SPATA7: variants seen among roughly 807,000 people sequenced by gnomAD.
SPATA7 encodes spermatogenesis-associated protein 7.
SPATA7 carries 43 observed loss-of-function variants against 51.8 expected under a neutral mutation model. That is an observed-to-expected ratio of 0.83 (90% CI 0.65 to 1.07). The LOEUF is 1.07. Among genes scored for constraint, SPATA7 ranks in the 50% least tolerant of loss-of-function variants. SPATA7 has a pLI of 0.00. For missense variants in SPATA7, 683 were observed against 701.3 expected, an observed-to-expected ratio of 0.97 and a Z score of 0.30; for synonymous variants, 230 against 252.8, an observed-to-expected ratio of 0.91 and a Z score of 0.86.
At chr14:88,462,556 A>G (rs2140063518) in intron 4 of SPATA7, among the ~76,000 whole-genome samples, 1 of 152,376 alleles carries the variant, frequency 6.6e-6, no homozygotes, top group East Asian at 1.9e-4. Flanking sequence ...GACAACTGAA[A>G]TTAAGTAGTA....
chr14:88,397,409 G>A (rs2075916966), intron 4 of SPATA7, among the ~76,000 whole-genome samples: 1 of 149,286 alleles, frequency 6.7e-6, no homozygotes, highest in Non-Finnish European at 1.5e-5. Flanking sequence ...ATGGGAGACA[G>A]AGGCAAGTGG....
At chr14:88,397,715 C>T (rs2075928039) in intron 4 of SPATA7, among the ~76,000 whole-genome samples, 1 of 151,700 alleles carries the variant, frequency 6.6e-6, no homozygotes, top group African/African-American at 2.4e-5. Flanking sequence ...ATATATCTAC[C>T]CTTTGACCAG....
At chr14:88,397,716 CT>C (rs1027364723) in intron 4 of SPATA7, among the ~76,000 whole-genome samples, 46 of 151,974 alleles carry the variant, frequency 3.0e-4, no homozygotes, top group Non-Finnish European at 5.1e-4. Flanking sequence ...TATATCTACC[CT>C]TTGACCAGGT....
intron 5 of SPATA7, among the ~76,000 whole-genome samples, chr14:88,425,789 C>T (rs973620708): frequency 6.6e-6 from 1 of 152,062 alleles, no homozygotes; most frequent in Non-Finnish European, 1.5e-5. Context: ...CTTTTCGTTT[C>T]TTTAAAGGCT....
At chr14:88,464,986 T>C (rs1383889968) in intron 4 of SPATA7, among the ~76,000 whole-genome samples, 1 of 152,104 alleles carries the variant, frequency 6.6e-6, no homozygotes, top group African/African-American at 2.4e-5. Flanking sequence ...CACCACACTC[T>C]CCTCCCTCCT....
At chr14:88,419,957 C>G (rs2139973870) in intron 5 of SPATA7, among the ~76,000 whole-genome samples, 1 of 152,204 alleles carries the variant, frequency 6.6e-6, no homozygotes, top group Middle Eastern at 3.4e-3. Context: ...GCAGGTAGGA[C>G]CTGTAACTTG....
chr14:88,470,195 GGAAA>G, exon 5 of SPATA7: 2 of 714,044 alleles, frequency 2.8e-6, no homozygotes, highest in South Asian at 4.0e-5. Context: ...AGCAGAATAA[GGAAA>G]GACTTTTCAT....
At chr14:88,408,028 A>C (rs2076243576) in intron 4 of SPATA7, among the ~76,000 whole-genome samples, 1 of 152,102 alleles carries the variant, frequency 6.6e-6, no homozygotes, top group Non-Finnish European at 1.5e-5. Flanking sequence ...GTATAGTTTG[A>C]AGTCAGGTAG....
At chr14:88,385,912 C>CAGCTG in intron 1 of SPATA7, 75 bp downstream of exon 1, 1 of 1,523,548 alleles carries the variant, frequency 6.6e-7, no homozygotes, top group Non-Finnish European at 8.8e-7. Context: ...CGGGTCCGGG[C>CAGCTG]AGCTGAGTGC....
At chr14:88,428,459 A>C (rs997326380) in intron 7 of SPATA7, 1 of 152,190 alleles carries the variant, frequency 6.6e-6, no homozygotes, top group African/African-American at 2.4e-5. Context: ...GCTGTTTGAC[A>C]TAGGGCCCTG....
chr14:88,421,808 G>A (rs1178270990), intron 5 of SPATA7, among the ~76,000 whole-genome samples: 1 of 151,974 alleles, frequency 6.6e-6, no homozygotes, highest in African/African-American at 2.4e-5. Flanking sequence ...AATTAGCTGG[G>A]CATGGTGGCA....
chr14:88,426,458 G>A lies in SPATA7; in HGVS notation c.599G>A (p.Gly200Asp). The A allele has an allele frequency of 6.2e-7, 1 of 1,614,158 alleles. No homozygotes were observed. Among genetic ancestry groups the A allele is most frequent in the Non-Finnish European group, 8.5e-7 (1 of 1,180,036 alleles). ...AAACTGAGCTCTGGAGCCCTGTATG[G>A]CAGAAGGCCCAGAAGCACATTCCCA... ...PRKLSSGALY[G>D]RRPRSTFPNS... Residue 200 changes from glycine (G) to aspartate (D), a missense_variant, in exon 6 of 12, where the codon GGC becomes GAC. Transcript: ENST00000393545.
At chr14:88,422,603 AAT>A (rs999797868) in intron 5 of SPATA7, among the ~76,000 whole-genome samples, 4 of 148,246 alleles carry the variant, frequency 2.7e-5, no homozygotes, top group African/African-American at 9.8e-5. Flanking sequence ...ATAAAGTAAA[AAT>A]ATATATTATT....
chr14:88,395,109 TAC>T (rs1426373422), intron 3 of SPATA7, among the ~76,000 whole-genome samples: 1 of 152,096 alleles, frequency 6.6e-6, no homozygotes, highest in Non-Finnish European at 1.5e-5. Context: ...TTTTTAGACT[TAC>T]ATAAACATTT....
chr14:88,401,038 A>C (rs73321845), intron 4 of SPATA7, among the ~76,000 whole-genome samples: 5,362 of 152,194 alleles, frequency 0.035, 307 homozygotes, highest in African/African-American at 0.12. Flanking sequence ...AACAAAGACA[A>C]CACAAGAAAA....
chr14:88,393,518 A>G, intron 3 of SPATA7, 30 bp downstream of exon 3: 1 of 1,485,520 alleles, frequency 6.7e-7, no homozygotes, highest in South Asian at 1.2e-5. Context: ...AACTCTCTGT[A>G]CTCAATTTAA....
At chr14:88,457,990 G>C (rs945882006), downstream of SPATA7, among the ~76,000 whole-genome samples, 48 of 152,114 alleles carry the variant, frequency 3.2e-4, no homozygotes, top group African/African-American at 8.4e-4. Context: ...ATAATCATGT[G>C]GTTTTTGTCT....
At chr14:88,434,041 A>G (rs576692446) in intron 10 of SPATA7, among the ~76,000 whole-genome samples, 2 of 152,290 alleles carry the variant, frequency 1.3e-5, no homozygotes, top group African/African-American at 2.4e-5. Context: ...AGTTTTGGCA[A>G]TCTGTATCAC....
chr14:88,456,906 G>A (rs925732013), downstream of SPATA7, among the ~76,000 whole-genome samples: 3 of 152,122 alleles, frequency 2.0e-5, no homozygotes, highest in South Asian at 2.1e-4. Context: ...TTTATATAAG[G>A]TGTAAGGAAG....
Sources: gnomAD v4.1 joint callset for allele counts (sites outside exome capture counted in the v4.1 genomes callset) on GRCh38, gnomAD v4.1.1 for gene constraint, MANE v1.5 for transcripts, NCBI Gene and HGNC (gene_info 2026-07-23, HGNC 2026-07-21) for gene names.